The following SLK variants were observed in gnomAD, a reference collection of about 807,000 sequenced individuals.
The protein encoded by SLK is STE20-like serine/threonine-protein kinase.
SLK carries 67 observed loss-of-function variants against 147.7 expected under a neutral mutation model. The observed-to-expected ratio is 0.45, with a 90% CI of 0.37 to 0.56. The LOEUF (loss-of-function observed/expected upper bound fraction) is 0.56. Ranked by LOEUF, SLK falls within the 20% of genes least tolerant of loss-of-function variation. The probability of loss-of-function intolerance (pLI) is 0.00; values close to 1 mark genes in which losing one functional copy is unlikely to be tolerated. For missense variants in SLK, 1,136 were observed against 1,438.8 expected (o/e 0.79, Z 3.41); for synonymous variants, 441 against 475.0 (o/e 0.93, Z 0.93).
At chr10:103,995,355 C>T (rs1844153465) in intron 4 of SLK, among the ~76,000 whole-genome samples, 3 of 151,276 alleles carry the variant, frequency 2.0e-5, no homozygotes, top group Admixed American at 1.3e-4. Context: ...TGAGATGTTT[C>T]AGGCTCATCT....
In SLK at chr10:104,003,300, G is replaced by C. The variant is rs767290046; in HGVS notation, c.2122G>C (p.Val708Leu). 1.9e-6 allele frequency: 3 copies of C among 1,614,032 alleles called. No individual in the cohort carries two copies. Among genetic ancestry groups the C allele is most frequent in the South Asian group, 1.1e-5 (1 of 91,082 alleles). ...VVSQPTEPQP[V>L]LIPSININSD... The stretch of plus-strand genomic sequence containing the variant: ...TTCACAGCCCACTGAACCTCAGCCT[G>C]TTCTAATACCCAGTATTAATATCAA... Residue 708 changes from valine to leucine, a missense_variant, in exon 9 of 19, where the codon GTT becomes CTT. Val to Leu is a conservative substitution (Grantham distance 32). This residue lies in a region of SLK where 516 missense variants were observed against 531.3 expected (regional missense o/e 0.97). Coordinates refer to ENST00000369755, the MANE Select transcript of SLK (RefSeq NM_014720.4).
chr10:104,003,114 A>G lies in SLK; in HGVS notation c.1936A>G (p.Ser646Gly), dbSNP rs781268587. The G allele has an allele frequency of 3.1e-6, 5 of 1,614,202 alleles. No homozygotes were observed. The South Asian group carries it at 5.5e-5, about 18-fold the overall frequency. Residue 646 changes from serine (S) to glycine (G), a missense_variant, in exon 9 of 19, where the codon AGT becomes GGT. Around this residue, in one of 6 missense-constraint regions of SLK, gnomAD observed 516 missense variants for 531.3 expected, o/e 0.97. Coordinates refer to ENST00000369755, the MANE Select transcript of SLK (RefSeq NM_014720.4). ...TGAAGGTGAAGAAATCACTGAGTCA[A>G]GTAGCACTGAAGAAATGGAGGTCAG... is the stretch of plus-strand genomic sequence containing the variant. The part of the protein sequence containing the change: ...TTEGEEITES[S>G]STEEMEVRSV...
At chr10:103,967,931 G>A (rs752076668) in intron 1 of SLK, 36 bp downstream of exon 1, 1 of 1,608,680 alleles carries the variant, frequency 6.2e-7, no homozygotes, top group Non-Finnish European at 8.5e-7. Flanking sequence ...TACTGCGAAG[G>A]TAAAACAGCC....
At chr10:104,018,668 A>T in intron 14 of SLK, 116 bp from the exon 15 acceptor site, 1 of 1,052,536 alleles carries the variant, frequency 9.5e-7, no homozygotes, top group Non-Finnish European at 1.4e-6. Context: ...CAGAATGTCA[A>T]CATGTGTGTA....
intron 12 of SLK, 128 bp downstream of exon 12, chr10:104,008,484 C>T (rs1027615188): frequency 1.7e-5 from 11 of 655,794 alleles, no homozygotes; most frequent in African/African-American, 5.5e-5. Context: ...TTCTTTCATT[C>T]GGTCTTCTCA....
Position 104,003,088 on chromosome 10 carries a change from C to G in SLK, c.1910C>G (p.Thr637Ser), listed in dbSNP as rs575504049. The change falls in exon 9 of 19, where the codon ACT becomes AGT. Residue 637 changes from threonine (T) to serine (S), a missense_variant. Thr to Ser is a moderately conservative substitution (Grantham distance 58). Around this residue, in one of 6 missense-constraint regions of SLK, gnomAD observed 516 missense variants for 531.3 expected, o/e 0.97. Coordinates refer to ENST00000369755, the MANE Select transcript of SLK (RefSeq NM_014720.4). ...GACATCAATGAGGAACCAGGAACAA[C>G]TGAAGGTGAAGAAATCACTGAGTCA... ...IMDINEEPGTTEGEEITESSS... is the reference protein window; with the variant it reads ...IMDINEEPGTSEGEEITESSS... 25 of 1,614,052 alleles carry G rather than the reference C, an allele frequency of 1.5e-5. 1 individual carries two copies. In the South Asian group the frequency reaches 2.7e-4, roughly 18 times the overall value.
At position 104,003,122 on chromosome 10, in the gene SLK, T is replaced by G. The variant is rs1564658588; in HGVS notation, c.1944T>G (p.Thr648=). 6.2e-7 allele frequency: 1 copy of G among 1,614,100 alleles called. No individual in the cohort carries two copies. Among genetic ancestry groups the G allele is most frequent in the Admixed American group, 1.7e-5 (1 of 60,022 alleles). The change falls in exon 9 of 19, where the codon ACT becomes ACG. Residue 648 remains threonine (T), a synonymous_variant. Coordinates refer to ENST00000369755, the MANE Select transcript of SLK (RefSeq NM_014720.4). ...AAGAAATCACTGAGTCAAGTAGCAC[T>G]GAAGAAATGGAGGTCAGAAGTGTGG... ...EGEEITESSS[T]EEMEVRSVVA...
Position 104,002,358 on chromosome 10 carries a change from G to T in SLK, c.1180G>T (p.Val394Leu), listed in dbSNP as rs1449844983. The T allele has an allele frequency of 1.2e-6, 2 of 1,613,622 alleles. No homozygotes were observed. The highest frequency in any genetic ancestry group is 2.2e-5 in the South Asian group (2 of 91,060). Residue 394 changes from valine to leucine, a missense_variant, in exon 9 of 19, where the codon GTG becomes TTG. This residue lies in a region of SLK where 516 missense variants were observed against 531.3 expected (regional missense o/e 0.97). Transcript: ENST00000369755. ...KPTTDEPEKA[V>L]EDINEHITDA... ...CACCACTGATGAACCTGAAAAGGCTGTGGAGGATATTAATGAACATATTAC... is the reference window on the plus strand; with the variant it reads ...CACCACTGATGAACCTGAAAAGGCTTTGGAGGATATTAATGAACATATTAC...
chr10:104,017,347 G>T (rs1295069310), intron 13 of SLK, among the ~76,000 whole-genome samples: 1 of 152,154 alleles, frequency 6.6e-6, no homozygotes, highest in African/African-American at 2.4e-5. Context: ...TTAGGCACAT[G>T]CTGTAGATAC....
rs1361813301 is a variant in SLK at position 104,026,419 on chromosome 10, A to C, written c.*699A>C. ...CAACAGGGACAAAAACATCTTTAGA[A>C]TTAAAAACATGGTTGTTTTGGAATT... On this transcript the variant is annotated 3_prime_UTR_variant, in exon 19 of 19. Transcript: ENST00000369755. The C allele has an allele frequency of 2.0e-5, 3 of 152,632 alleles. No homozygotes were observed. The highest frequency in any genetic ancestry group is 2.9e-5 in the Non-Finnish European group (2 of 68,044). The allele number at this position is 152,632 out of a possible 1,614,324, so 9.5% of individuals were successfully genotyped here.
chr10:103,975,474 ATACT>A (rs1843858350), intron 1 of SLK, among the ~76,000 whole-genome samples: 3 of 151,804 alleles, frequency 2.0e-5, no homozygotes, highest in African/African-American at 7.3e-5. Context: ...TTTCTCAAAA[ATACT>A]TCTTTCTTTC....
chr10:103,992,559 G>C, intron 2 of SLK, 39 bp from the exon 3 acceptor site: 1 of 1,268,938 alleles, frequency 7.9e-7, no homozygotes, highest in Non-Finnish European at 1.0e-6. Flanking sequence ...ACTCCATGTA[G>C]TTTTAGACAC....
chr10:103,982,828 G>A lies in SLK; in HGVS notation c.151-7847G>A, dbSNP rs74154712. On this transcript the variant is annotated intron_variant, in intron 1 of 18. Transcript: ENST00000369755. ...ACCTCTCATGAAGAGATGACCAGAG[G>A]ACGGAGACAGCAGAGGGCAGTGTAG... Among the ~76,000 whole-genome samples the A allele has an allele frequency of 6.7e-3, 1,027 of 152,338 alleles. 6 individuals carry two copies. Among genetic ancestry groups the A allele is most frequent in the Middle Eastern group, 0.031 (9 of 294 alleles).
intron 17 of SLK, among the ~76,000 whole-genome samples, chr10:104,021,032 A>G (rs1303288719): frequency 2.6e-5 from 4 of 152,232 alleles, no homozygotes; most frequent in Non-Finnish European, 5.9e-5. Flanking sequence ...TTTTGAAATA[A>G]GTGATAAGTT....
At chr10:104,001,841 G>A (rs1180167106) in intron 8 of SLK, among the ~76,000 whole-genome samples, 1 of 151,962 alleles carries the variant, frequency 6.6e-6, no homozygotes, top group African/African-American at 2.4e-5. Flanking sequence ...TCAGCCTCCC[G>A]AGTAGCTGGG....
intron 1 of SLK, among the ~76,000 whole-genome samples, chr10:103,972,584 A>C (rs1843807311): frequency 6.6e-6 from 1 of 151,858 alleles, no homozygotes; most frequent in African/African-American, 2.4e-5. Context: ...AGGCAGGAGA[A>C]TGGCGTGAAC....
chr10:103,973,234 C>CT (rs1564649022), intron 1 of SLK, among the ~76,000 whole-genome samples: 1 of 152,098 alleles, frequency 6.6e-6, no homozygotes, highest in Non-Finnish European at 1.5e-5. Flanking sequence ...GGTCCAGTTT[C>CT]ATTTTTTTCC....
chr10:103,967,922 A>G (rs766228686), intron 1 of SLK, 27 bp downstream of exon 1: 1 of 1,611,048 alleles, frequency 6.2e-7, no homozygotes, highest in Non-Finnish European at 8.5e-7. Context: ...GGGAAGTTGT[A>G]CTGCGAAGGT....
Position 104,008,294 on chromosome 10 carries a change from A to T in SLK, c.2722A>T (p.Lys908Ter). 2 of 1,614,098 alleles carry T rather than the reference A, an allele frequency of 1.2e-6. No homozygotes were observed. The highest frequency in any genetic ancestry group is 1.7e-6 in the Non-Finnish European group (2 of 1,179,978). Residue 908 changes from lysine (K) to a stop codon, truncating the protein, a stop_gained, in exon 12 of 19, where the codon AAA (lysine) becomes TAA (stop). Coordinates refer to ENST00000369755, the MANE Select transcript of SLK (RefSeq NM_014720.4). LOFTEE classifies it high-confidence loss of function. ...NRLRDEAKRIKGEQEKELSKF... is the reference protein window; with the variant it reads ...NRLRDEAKRI Reference sequence around the variant, plus strand: ...CTTGCGAGATGAAGCCAAACGCATCAAAGGAGAACAAGAGAAAGAGTTGTC... The same window carrying T: ...CTTGCGAGATGAAGCCAAACGCATCTAAGGAGAACAAGAGAAAGAGTTGTC...
Sources: allele counts gnomAD v4.1 joint callset (sites outside exome capture counted in the v4.1 genomes callset), GRCh38; gene constraint gnomAD v4.1.1; regional missense constraint gnomAD v4.1.1; transcripts MANE v1.5; gene names NCBI Gene and HGNC (gene_info 2026-07-23, HGNC 2026-07-21).